NRP2: variants seen among roughly 807,000 people sequenced by gnomAD.
The protein encoded by NRP2 is neuropilin-2.
In NRP2, 52 loss-of-function variants were observed where a neutral mutation model predicts 110.4. That is an observed-to-expected ratio of 0.47 (90% CI 0.38 to 0.59). NRP2 has a LOEUF of 0.59. Among genes scored for constraint, NRP2 ranks in the 20% least tolerant of loss-of-function variants. The pLI, the probability that NRP2 is intolerant of heterozygous loss-of-function variation, is 0.00. For missense variants in NRP2, 1,049 were observed against 1,203.0 expected, an observed-to-expected ratio of 0.87 and a Z score of 1.89; for synonymous variants, 508 against 468.9, an observed-to-expected ratio of 1.08 and a Z score of -1.08.
chr2:205,727,736 A>G (rs1292609301), intron 6 of NRP2, among the ~76,000 whole-genome samples, 155 bp from the exon 7 acceptor site: 2 of 152,222 alleles, frequency 1.3e-5, no homozygotes, highest in African/African-American at 2.4e-5. Flanking sequence ...TAATCGTCCA[A>G]TGGAATTGCA....
chr2:205,764,076 T>A, intron 13 of NRP2, 140 bp downstream of exon 13: 1 of 1,071,314 alleles, frequency 9.3e-7, no homozygotes, highest in Non-Finnish European at 1.3e-6. Context: ...AATGACACTC[T>A]TATTTGTTAT....
chr2:205,752,623 G>T, intron 11 of NRP2: 2 of 580,026 alleles, frequency 3.4e-6, no homozygotes, highest in Non-Finnish European at 6.2e-6. Flanking sequence ...GGAACCACTG[G>T]CAGACTTGGC....
Position 205,686,065 on chromosome 2 carries a change from C to T in NRP2, c.73+2702C>T, listed in dbSNP as rs1316363575. 2.6e-5 allele frequency among the ~76,000 whole-genome samples: 4 copies of T among 151,068 alleles called. No homozygotes were observed. Among genetic ancestry groups the T allele is most frequent in the African/African-American group, 9.7e-5 (4 of 41,254 alleles). On this transcript the variant is annotated intron_variant, in intron 1 of 16. Coordinates refer to ENST00000357785, the MANE Select transcript of NRP2 (RefSeq NM_003872.3). This position sits in a 1 kb window ranked among gnomAD's most constrained non-coding sequence, Gnocchi z 4.7. ...CCCCTTCCCCGCCCCCCAGCGCCTT[C>T]TCTAACGCCGCATCGATTTGTTTGG...
chr2:205,756,340 G>A (rs2057734621), intron 12 of NRP2: 1 of 152,102 alleles, frequency 6.6e-6, no homozygotes, highest in Admixed American at 6.5e-5. Flanking sequence ...ACTAGGAGAT[G>A]GCATGTTTCC....
At chr2:205,732,666 AAAGT>A (rs1188713565) in intron 7 of NRP2, among the ~76,000 whole-genome samples, 2 of 152,216 alleles carry the variant, frequency 1.3e-5, no homozygotes, top group African/African-American at 4.8e-5. Flanking sequence ...ATCAATTTAA[AAAGT>A]AAGAAGGCCC....
At position 205,763,730 on chromosome 2, in the gene NRP2, C is replaced by T. The variant is rs760747816; in HGVS notation, c.2101C>T (p.Arg701Trp). The T allele has an allele frequency of 6.8e-6, 11 of 1,614,214 alleles. No individual in the cohort carries two copies. In the South Asian group the frequency reaches 1.1e-4, roughly 16 times the overall value. The change falls in exon 13 of 17, where the codon CGG becomes TGG. Residue 701 changes from arginine (R) to tryptophan (W), a missense_variant. By Grantham distance (101) the Arg-to-Trp change is moderately radical. Transcript: ENST00000357785. The surrounding 1 kb of genome is among the most constrained non-coding windows in gnomAD (Gnocchi z 4.0). Reference sequence around the variant, plus strand: ...CAGCCAGAGAGAGGGCCAGTATGCCCGGCTCATCAGCCCCCCTGTCCACCT... The same window carrying T: ...CAGCCAGAGAGAGGGCCAGTATGCCTGGCTCATCAGCCCCCCTGTCCACCT... Reference protein sequence around the residue: ...SDSQREGQYARLISPPVHLPR... With the variant: ...SDSQREGQYAWLISPPVHLPR...
intron 15 of NRP2, chr2:205,776,046 C>T (rs551116361): frequency 2.7e-6 from 2 of 728,850 alleles, no homozygotes; most frequent in Non-Finnish European, 5.0e-6. Flanking sequence ...CAATAGCTAC[C>T]TCCCAAGGGG....
intron 2 of NRP2, among the ~76,000 whole-genome samples, chr2:205,700,535 A>G (rs964021900): frequency 1.3e-5 from 2 of 152,324 alleles, no homozygotes; most frequent in African/African-American, 4.8e-5. Context: ...ATTGCCCCAA[A>G]GCCTGGAAAC....
intron 15 of NRP2, chr2:205,776,518 C>T: frequency 6.8e-7 from 1 of 1,466,892 alleles, no homozygotes; most frequent in Non-Finnish European, 9.4e-7. Flanking sequence ...CCGTGGCTCG[C>T]ACTGCTGAGG....
In NRP2 at chr2:205,763,015, C is replaced by G. The variant is rs1322471451; in HGVS notation, c.2045-659C>G. Among the ~76,000 whole-genome samples, 1 of 152,184 alleles carries G rather than the reference C, an allele frequency of 6.6e-6. No homozygotes were observed. The highest frequency in any genetic ancestry group is 1.5e-5 in the Non-Finnish European group (1 of 68,022). ...ATGTGCCTGGCTGTCTCAGAAAGGC[C>G]AAGTTCAAGCCTCCCTGAATCATCC... On this transcript the variant is annotated intron_variant, in intron 12 of 16. Coordinates refer to ENST00000357785, the MANE Select transcript of NRP2 (RefSeq NM_003872.3). The surrounding 1 kb of genome is among the most constrained non-coding windows in gnomAD (Gnocchi z 4.0).
At chr2:205,776,362 G>T in intron 15 of NRP2, 1 of 1,613,172 alleles carries the variant, frequency 6.2e-7, no homozygotes, top group East Asian at 2.2e-5. Context: ...GCTGGTCTCC[G>T]TCGCGCTGGC....
At chr2:205,697,490 G>A (rs2056457574) in intron 1 of NRP2, 54 bp from the exon 2 acceptor site, 1 of 1,495,594 alleles carries the variant, frequency 6.7e-7, no homozygotes. Context: ...GAGTGTGGGG[G>A]GAAGAAAGTT....
chr2:205,776,965 GCTCT>G (rs2058110473), intron 15 of NRP2: 1 of 1,111,052 alleles, frequency 9.0e-7, no homozygotes, highest in Non-Finnish European at 1.1e-6. Flanking sequence ...TGTGTGAATA[GCTCT>G]CTGTGTGTGG....
Position 205,743,496 on chromosome 2 carries a change from A to C in NRP2, c.1585A>C (p.Ser529Arg). ...TGTGCGCAAGTTCAAAGTCTCCTACAGCCTAAACGGCAAGGACTGGGAATA... is the reference window on the plus strand; with the variant it reads ...TGTGCGCAAGTTCAAAGTCTCCTACCGCCTAAACGGCAAGGACTGGGAATA... ...AFVRKFKVSY[S>R]LNGKDWEYIQ... Residue 529 changes from serine (S) to arginine (R), a missense_variant, in exon 9 of 17, where the codon AGC becomes CGC. Physicochemically the swap from Ser to Arg is moderately radical, Grantham distance 110. Transcript: ENST00000357785. 12 of 1,614,232 alleles carry C rather than the reference A, an allele frequency of 7.4e-6. No homozygotes were observed. The highest frequency in any genetic ancestry group is 1.0e-5 in the Non-Finnish European group (12 of 1,180,044).
At chr2:205,695,668 G>C (rs2056408452) in intron 1 of NRP2, among the ~76,000 whole-genome samples, 1 of 152,204 alleles carries the variant, frequency 6.6e-6, no homozygotes, top group Non-Finnish European at 1.5e-5. Context: ...TGGCAGAGGA[G>C]CTGGACCCGG....
chr2:205,711,695 C>T (rs1054637179), intron 2 of NRP2, among the ~76,000 whole-genome samples: 5 of 152,072 alleles, frequency 3.3e-5, no homozygotes, highest in African/African-American at 1.2e-4. Context: ...ATACGTAGAC[C>T]CAAAAGAAGG....
At chr2:205,718,472 C>T (rs2056944720) in intron 3 of NRP2, among the ~76,000 whole-genome samples, 1 of 152,084 alleles carries the variant, frequency 6.6e-6, no homozygotes, top group Admixed American at 6.5e-5. Context: ...AATGGGGTGG[C>T]CTGCTTTAAG....
chr2:205,704,609 CA>C (rs1005625926), intron 2 of NRP2, among the ~76,000 whole-genome samples: 4 of 152,090 alleles, frequency 2.6e-5, no homozygotes, highest in African/African-American at 7.2e-5. Flanking sequence ...ACCCATGGAT[CA>C]GGGGGAAAAA....
chr2:205,741,892 G>T (rs1264835291), intron 8 of NRP2, among the ~76,000 whole-genome samples: 2 of 152,234 alleles, frequency 1.3e-5, no homozygotes, highest in Non-Finnish European at 2.9e-5. Context: ...ACTCAAAGAG[G>T]CTAAATAGCT....
Sources: allele counts gnomAD v4.1 joint callset (sites outside exome capture counted in the v4.1 genomes callset), GRCh38; gene constraint gnomAD v4.1.1; non-coding constraint Gnocchi (gnomAD v3.1); transcripts MANE v1.5; gene names NCBI Gene and HGNC (gene_info 2026-07-23, HGNC 2026-07-21).